The following EYA2 variants were observed in gnomAD, a reference collection of about 807,000 sequenced individuals.
EYA2 encodes protein phosphatase EYA2.
Under a neutral mutation model 69.2 loss-of-function variants are expected in EYA2, and 31 were observed. That is an observed-to-expected ratio of 0.45 (90% CI 0.34 to 0.60). EYA2 has a LOEUF of 0.60. Ranked by LOEUF, EYA2 falls within the 20% of genes least tolerant of loss-of-function variation. EYA2 has a pLI of 0.02. For synonymous variants in EYA2, 257 were observed against 279.4 expected, an observed-to-expected ratio of 0.92 and a Z score of 0.80; for missense variants, 622 against 701.2, an observed-to-expected ratio of 0.89 and a Z score of 1.28.
Position 47,172,843 on chromosome 20 carries a change from A to T in EYA2, c.1174A>T (p.Asn392Tyr), listed in dbSNP as rs1481970095. ...FRYRRVKEMY[N>Y]TYKNNVGGLI... ...CTACCGGCGGGTGAAGGAGATGTACAATACCTACAAGAACAACGTTGGTGG... is the reference window on the plus strand; with the variant it reads ...CTACCGGCGGGTGAAGGAGATGTACTATACCTACAAGAACAACGTTGGTGG... The change falls in exon 12 of 16, where the codon AAT becomes TAT. Residue 392 changes from asparagine (N) to tyrosine (Y), a missense_variant. By Grantham distance (143) the Asn-to-Tyr change is moderately radical (BLOSUM62 -2). Around this residue, in one of 2 missense-constraint regions of EYA2, gnomAD observed 257 missense variants for 351.5 expected, o/e 0.73. Transcript: ENST00000327619. The T allele has an allele frequency of 6.2e-7, 1 of 1,613,268 alleles. No homozygotes were observed. Among genetic ancestry groups the T allele is most frequent in the Non-Finnish European group, 8.5e-7 (1 of 1,179,604 alleles).
chr20:47,143,432 C>G (rs1057132653), intron 10 of EYA2, among the ~76,000 whole-genome samples: 5 of 152,086 alleles, frequency 3.3e-5, no homozygotes, highest in African/African-American at 1.2e-4. Flanking sequence ...TTTTACTAAT[C>G]CAATAATGGC....
Position 47,039,835 on chromosome 20 carries a change from C to CTTTTTT in EYA2, c.415+23556_415+23561dup, listed in dbSNP as rs10689930. ...ATAGGGTCATTGTGAAGATCAAATA[C>CTTTTTT]TTTTTTTTTTTTTTTTTTTTTTTGA... On this transcript the variant is annotated intron_variant, in intron 5 of 15. Coordinates refer to ENST00000327619, the MANE Select transcript of EYA2 (RefSeq NM_005244.5). Among the ~76,000 whole-genome samples the CTTTTTT allele has an allele frequency of 3.6e-3, 249 of 69,802 alleles. 25 individuals carry two copies. Among genetic ancestry groups the CTTTTTT allele is most frequent in the African/African-American group, 8.5e-3 (139 of 16,436 alleles). 45.8% of individuals were successfully genotyped at this position (69,802 alleles called of 152,430 possible).
intron 2 of EYA2, among the ~76,000 whole-genome samples, chr20:46,994,861 C>T (rs543160070): frequency 1.3e-5 from 2 of 151,870 alleles, no homozygotes; most frequent in Non-Finnish European, 1.5e-5. Context: ...CACTTTCTGG[C>T]GTATATTCAG....
chr20:47,143,193 C>T (rs1021852897), intron 10 of EYA2, 45 bp downstream of exon 10: 29 of 1,479,532 alleles, frequency 2.0e-5, no homozygotes, highest in Non-Finnish European at 2.1e-5. Flanking sequence ...TGTTTAATCA[C>T]CTGCATCTAG....
intron 5 of EYA2, 82 bp from the exon 6 acceptor site, chr20:47,072,103 G>A (rs927399790): frequency 8.0e-6 from 10 of 1,253,770 alleles, no homozygotes; most frequent in Admixed American, 3.4e-5. Context: ...CATGGAGGGA[G>A]GTTCATGAAA....
At chr20:47,165,792 C>T (rs866294987) in intron 10 of EYA2, among the ~76,000 whole-genome samples, 1 of 152,148 alleles carries the variant, frequency 6.6e-6, no homozygotes, top group Middle Eastern at 3.2e-3. Context: ...CTTGCCAACC[C>T]CTCTCTCAGA....
rs78956814 is a variant in EYA2 at position 47,187,437 on chromosome 20, A to G, written c.1537-616A>G. On this transcript the variant is annotated intron_variant, in intron 15 of 15. Transcript: ENST00000327619. Reference sequence around the variant, plus strand: ...CTGCTGCAAAGAAAAGGAAAAGATAAAAACGAAAGCTATAAAGAAAACAGA... The same window carrying G: ...CTGCTGCAAAGAAAAGGAAAAGATAGAAACGAAAGCTATAAAGAAAACAGA... 5.5e-3 allele frequency among the ~76,000 whole-genome samples: 823 copies of G among 149,386 alleles called. 29 individuals carry two copies. In the East Asian group the frequency reaches 0.08, roughly 14 times the overall value.
chr20:46,925,207 T>G (rs1377446807), intron 1 of EYA2, among the ~76,000 whole-genome samples: 1 of 152,200 alleles, frequency 6.6e-6, no homozygotes, highest in Admixed American at 6.5e-5. Flanking sequence ...ACATCCACAA[T>G]GACCCTATTT....
chr20:46,938,978 T>G (rs143315491), intron 1 of EYA2, among the ~76,000 whole-genome samples: 2 of 152,324 alleles, frequency 1.3e-5, no homozygotes, highest in Non-Finnish European at 2.9e-5. Flanking sequence ...CCCAGATGTC[T>G]CAATAATGTC....
At chr20:46,898,362 C>T (rs1983916933) in intron 1 of EYA2, among the ~76,000 whole-genome samples, 1 of 150,168 alleles carries the variant, frequency 6.7e-6, no homozygotes, top group Non-Finnish European at 1.5e-5. Flanking sequence ...GAATTAATCC[C>T]AGAGTTAAGA....
chr20:47,164,991 G>A (rs1008030), intron 10 of EYA2, among the ~76,000 whole-genome samples: 31,769 of 152,142 alleles, frequency 0.21, 3,830 homozygotes, highest in African/African-American at 0.34. Context: ...CTAGAGCAGC[G>A]CTGTCCAGTA....
rs554482484 is a variant in EYA2 at position 46,931,365 on chromosome 20, TTTTGTTTG to T, written c.-11+36393_-11+36400del. ...GAGGAGGGGCTGGTGTTTCATTATGTTTTGTTTGTTTGTTTGTTTGTTGTTTTTAAGTA... is the reference window on the plus strand; with the variant it reads ...GAGGAGGGGCTGGTGTTTCATTATGTTTTGTTTGTTTGTTGTTTTTAAGTA... On this transcript the variant is annotated intron_variant, in intron 1 of 15. Coordinates refer to ENST00000327619, the MANE Select transcript of EYA2 (RefSeq NM_005244.5). Among the ~76,000 whole-genome samples the T allele has an allele frequency of 3.2e-3, 490 of 152,188 alleles. 2 individuals are homozygous for T. Among genetic ancestry groups the T allele is most frequent in the African/African-American group, 0.011 (475 of 41,524 alleles).
intron 9 of EYA2, among the ~76,000 whole-genome samples, chr20:47,115,306 C>T (rs1477339071): frequency 1.3e-5 from 2 of 152,174 alleles, no homozygotes; most frequent in African/African-American, 4.8e-5. Context: ...CGTCTTCAGC[C>T]GTCTTCCCTG....
At chr20:46,956,923 G>A (rs1173795587) in intron 1 of EYA2, among the ~76,000 whole-genome samples, 1 of 152,162 alleles carries the variant, frequency 6.6e-6, no homozygotes, top group African/African-American at 2.4e-5. Context: ...AAAACCATCA[G>A]ATCTTGTGAG....
chr20:47,066,476 T>C (rs2031112893), intron 5 of EYA2, among the ~76,000 whole-genome samples: 1 of 152,072 alleles, frequency 6.6e-6, no homozygotes, highest in Admixed American at 6.5e-5. Flanking sequence ...GAAAGAAGGG[T>C]ATTTCTCTCT....
chr20:47,086,978 A>G (rs1170199794), intron 7 of EYA2, among the ~76,000 whole-genome samples: 1 of 152,146 alleles, frequency 6.6e-6, no homozygotes, highest in Non-Finnish European at 1.5e-5. Context: ...GTGAACCAGG[A>G]AAGACCTTAT....
chr20:46,963,736 G>A (rs1220383326), intron 1 of EYA2, among the ~76,000 whole-genome samples: 1 of 152,280 alleles, frequency 6.6e-6, no homozygotes, highest in Non-Finnish European at 1.5e-5. Flanking sequence ...TGGGCCGGGG[G>A]TGGTGGTGAG....
intron 9 of EYA2, among the ~76,000 whole-genome samples, chr20:47,115,358 A>C (rs975708162): frequency 1.8e-4 from 27 of 152,102 alleles, no homozygotes; most frequent in African/African-American, 6.5e-4. Flanking sequence ...TCAAATTCCC[A>C]ACTGTCTGGG....
chr20:47,181,067 G>A (rs1401020134), intron 14 of EYA2, 131 bp downstream of exon 14: 2 of 1,320,340 alleles, frequency 1.5e-6, no homozygotes, highest in Non-Finnish European at 2.0e-6. Flanking sequence ...CCATGACTCA[G>A]ATTCCCAAAA....
Sources: gnomAD v4.1 joint callset for allele counts (sites outside exome capture counted in the v4.1 genomes callset) on GRCh38, gnomAD v4.1.1 for gene constraint, gnomAD v4.1.1 regional missense constraint, MANE v1.5 for transcripts, NCBI Gene and HGNC (gene_info 2026-07-23, HGNC 2026-07-21) for gene names.